The following TP63 variants were observed in gnomAD, a reference collection of about 807,000 sequenced individuals.
TP63 encodes tumor protein 63.
A neutral mutation model predicts 82.8 loss-of-function variants in TP63; 17 were observed. The observed-to-expected ratio is 0.21, with a 90% CI of 0.14 to 0.31. TP63 has a LOEUF of 0.31. TP63 is among the 10% of genes least tolerant of loss of function. The pLI is 1.00. For synonymous variants in TP63, 330 were observed against 321.7 expected (o/e 1.03, Z -0.28); for missense variants, 648 against 895.3 (o/e 0.72, Z 3.52).
At chr3:189,622,308 G>T in the TP63 span, among the ~76,000 whole-genome samples, 5 of 152,144 alleles carry the variant, frequency 3.3e-5, no homozygotes, top group Admixed American at 6.5e-5. Context: ...TGAGATTTTT[G>T]ACTGCGCACA....
chr3:189,859,746 T>C (rs1716770782), intron 4 of TP63, among the ~76,000 whole-genome samples: 1 of 152,180 alleles, frequency 6.6e-6, no homozygotes, highest in South Asian at 2.1e-4. Flanking sequence ...ACGTTCATAA[T>C]AGTTTTATAC....
intron 10 of TP63, among the ~76,000 whole-genome samples, chr3:189,881,820 T>C (rs1276376813): frequency 2.6e-5 from 4 of 152,182 alleles, no homozygotes; most frequent in Non-Finnish European, 5.9e-5. Flanking sequence ...AAACCTCTAG[T>C]TGTATGTTAA....
intron 3 of TP63, among the ~76,000 whole-genome samples, chr3:189,778,743 T>C (rs1204479931): frequency 2.0e-5 from 3 of 152,216 alleles, no homozygotes; most frequent in Non-Finnish European, 4.4e-5. Flanking sequence ...CACAATCTTA[T>C]AGATCTGGTC....
chr3:189,800,250 G>C (rs565953219), intron 3 of TP63, among the ~76,000 whole-genome samples: 1 of 151,936 alleles, frequency 6.6e-6, no homozygotes, highest in Admixed American at 6.6e-5. Flanking sequence ...GTTCTATTTG[G>C]CCAGAGCAGA....
chr3:189,891,265 T>C (rs1206396585), intron 13 of TP63, among the ~76,000 whole-genome samples: 1 of 152,220 alleles, frequency 6.6e-6, no homozygotes, highest in African/African-American at 2.4e-5. Context: ...CCGGTGGTGC[T>C]ATTCTCTTAA....
intron 1 of TP63, among the ~76,000 whole-genome samples, chr3:189,705,789 G>A (rs887191383): frequency 6.6e-6 from 1 of 152,162 alleles, no homozygotes; most frequent in Non-Finnish European, 1.5e-5. Context: ...TATGTCAAAA[G>A]GTAGAAAGGA....
At chr3:189,691,338 C>CAAAAAAAAAAAAAAAAAAAAAAAAA (rs781098833) in intron 1 of TP63, among the ~76,000 whole-genome samples, 10 of 67,082 alleles carry the variant, frequency 1.5e-4, no homozygotes, top group Non-Finnish European at 2.8e-4. Context: ...GACTCCATCT[C>CAAAAAAAAAAAAAAAAAAAAAAAAA]AAAAAAAAAA....
At position 189,794,424 on chromosome 3, in the gene TP63, A is replaced by G. The variant is rs115200580; in HGVS notation, c.325-13848A>G. On this transcript the variant is annotated intron_variant, in intron 3 of 13. Transcript: ENST00000264731. ...TGATGTAGGAAGATCAAGAAAGTCT[A>G]TATGCATATGTAAGATGAAGCTGCA... Among the ~76,000 whole-genome samples, 691 of 152,112 alleles carry G rather than the reference A, an allele frequency of 4.5e-3. 3 individuals are homozygous for G. The highest frequency in any genetic ancestry group is 7.6e-3 in the Non-Finnish European group (513 of 67,940).
intron 3 of TP63, among the ~76,000 whole-genome samples, chr3:189,776,395 G>A (rs1226485747): frequency 1.3e-5 from 2 of 152,050 alleles, no homozygotes; most frequent in Non-Finnish European, 2.9e-5. Context: ...AAGAGAAAGG[G>A]GCACTATCTT....
intron 1 of TP63, among the ~76,000 whole-genome samples, chr3:189,651,263 G>A (rs10937398): frequency 0.49 from 72,187 of 146,128 alleles, 22,127 homozygotes; most frequent in Middle Eastern, 0.72. Flanking sequence ...AAACCTGGCA[G>A]AGCCAGGTGC....
intron 3 of TP63, among the ~76,000 whole-genome samples, chr3:189,769,334 T>C (rs1723170552): frequency 6.6e-6 from 1 of 152,184 alleles, no homozygotes; most frequent in Non-Finnish European, 1.5e-5. Context: ...GAAAGCACAA[T>C]TTTATCTCAT....
chr3:189,784,497 T>A (rs1724452126), intron 3 of TP63, among the ~76,000 whole-genome samples: 1 of 152,144 alleles, frequency 6.6e-6, no homozygotes, highest in African/African-American at 2.4e-5. Context: ...GCAATAACAA[T>A]GAACATAGTA....
intron 3 of TP63, chr3:189,738,996 G>A (rs961886429): frequency 1.1e-5 from 7 of 614,784 alleles, no homozygotes; most frequent in African/African-American, 1.9e-5. Flanking sequence ...GTGTGGGGAG[G>A]GAGATTCTTT....
At chr3:189,707,432 ACT>A (rs1341779463) in intron 1 of TP63, among the ~76,000 whole-genome samples, 4 of 152,006 alleles carry the variant, frequency 2.6e-5, no homozygotes, top group Non-Finnish European at 4.4e-5. Context: ...TGAATTATAT[ACT>A]CTTTTTGCTA....
intron 3 of TP63, among the ~76,000 whole-genome samples, chr3:189,777,330 G>A (rs1455658353): frequency 6.6e-6 from 1 of 152,060 alleles, no homozygotes; most frequent in Admixed American, 6.6e-5. Context: ...CTGAGTAGCT[G>A]GGATTACAGG....
intron 1 of TP63, among the ~76,000 whole-genome samples, chr3:189,637,005 A>G (rs928178336): frequency 6.6e-6 from 1 of 152,090 alleles, no homozygotes; most frequent in African/African-American, 2.4e-5. Flanking sequence ...ATTCCAGTTC[A>G]GGGTCTCAGG....
At chr3:189,852,524 A>G (rs1027238137) in intron 4 of TP63, among the ~76,000 whole-genome samples, 1 of 152,204 alleles carries the variant, frequency 6.6e-6, no homozygotes. Flanking sequence ...TGTTAAAACC[A>G]AGAAGGCTGA....
chr3:189,894,191 T>C lies in TP63; in HGVS notation c.1747-15T>C, dbSNP rs2108872736. 6.2e-7 allele frequency: 1 copy of C among 1,614,070 alleles called. No homozygotes were observed. On this transcript the variant is annotated splice_polypyrimidine_tract_variant and intron_variant, in intron 13 of 13. Coordinates refer to ENST00000264731, the MANE Select transcript of TP63 (RefSeq NM_003722.5). ...CCTGTTTTCATTCTCCATGACACCTTCCCCTGTTGCACAGGATCTGGCAAG... is the reference window on the plus strand; with the variant it reads ...CCTGTTTTCATTCTCCATGACACCTCCCCCTGTTGCACAGGATCTGGCAAG...
chr3:189,711,343 G>T (rs1718578722), intron 1 of TP63, among the ~76,000 whole-genome samples: 1 of 152,124 alleles, frequency 6.6e-6, no homozygotes, highest in East Asian at 1.9e-4. Context: ...AAGGTCCTGT[G>T]CTGGGTGAGG....
Sources: allele counts gnomAD v4.1 joint callset (sites outside exome capture counted in the v4.1 genomes callset), GRCh38; gene constraint gnomAD v4.1.1; transcripts MANE v1.5; gene names NCBI Gene and HGNC (gene_info 2026-07-23, HGNC 2026-07-21).